Variants in TSNARE1 observed in about 807,000 individuals in gnomAD.
TSNARE1 encodes t-SNARE domain-containing protein 1.
A neutral mutation model predicts 62.0 loss-of-function variants in TSNARE1; 49 were observed. That is an observed-to-expected ratio of 0.79 (90% CI 0.63 to 1.00). The LOEUF (loss-of-function observed/expected upper bound fraction) is 1.00. Ranked by LOEUF, TSNARE1 falls within the 50% of genes least tolerant of loss-of-function variation. The pLI, the probability that TSNARE1 is intolerant of heterozygous loss-of-function variation, is 0.00. For missense variants in TSNARE1, 755 were observed against 700.1 expected, an observed-to-expected ratio of 1.08 and a Z score of -0.88; for synonymous variants, 328 against 294.4, an observed-to-expected ratio of 1.11 and a Z score of -1.17.
At chr8:142,365,282 T>C (rs1222093818) in intron 1 of TSNARE1, among the ~76,000 whole-genome samples, 1 of 152,184 alleles carries the variant, frequency 6.6e-6, no homozygotes, top group East Asian at 1.9e-4. Context: ...AAAATGTCAA[T>C]GTTATCAAAG....
rs374774039 is a variant in TSNARE1 at position 142,319,088 on chromosome 8, T to A, written c.894-454A>T. ...CGGCGCAGGTAAGCTCTGGCTGGGG[T>A]GGGTGGCCCAGCCAGAACAGTGGCA... On this transcript the variant is annotated intron_variant, in intron 6 of 13. Coordinates refer to ENST00000524325, the MANE Select transcript of TSNARE1 (RefSeq NM_145003.5). The surrounding 1 kb of genome is among the most constrained non-coding windows in gnomAD (Gnocchi z 4.9). Among the ~76,000 whole-genome samples, 2 of 151,346 alleles carry A rather than the reference T, an allele frequency of 1.3e-5. No individual in the cohort carries two copies. Among genetic ancestry groups the A allele is most frequent in the Admixed American group, 6.6e-5 (1 of 15,216 alleles).
In TSNARE1 at chr8:142,274,813, G is replaced by A. The variant is rs762992416; in HGVS notation, c.1414C>T (p.Arg472Cys). 42 of 1,580,596 alleles carry A rather than the reference G, an allele frequency of 2.7e-5. No homozygotes were observed. Among genetic ancestry groups the A allele is most frequent in the Middle Eastern group, 1.7e-4 (1 of 5,976 alleles). Residue 472 changes from arginine to cysteine, a missense_variant, in exon 12 of 14, where the codon CGC becomes TGC. Arg to Cys is a radical substitution (Grantham distance 180). Coordinates refer to ENST00000524325, the MANE Select transcript of TSNARE1 (RefSeq NM_145003.5). ...CGGCTGGCTCCAGCCAGGAGCTGGC[G>A]GGCTGCCTCCGCATGCGAGGACGCA... is the stretch of plus-strand genomic sequence containing the variant. ...EAASSHAEAA[R>C]QLLAGASRHQ...
chr8:142,340,615 AAGAAAAT>A (rs1303614679), intron 4 of TSNARE1, among the ~76,000 whole-genome samples: 8 of 149,018 alleles, frequency 5.4e-5, no homozygotes, highest in African/African-American at 2.0e-4. Flanking sequence ...TCAATAAAGA[AAGAAAAT>A]AATAAGGCTG....
At chr8:142,366,642 TAAAG>T (rs1398388108) in intron 1 of TSNARE1, among the ~76,000 whole-genome samples, 1 of 152,122 alleles carries the variant, frequency 6.6e-6, no homozygotes, top group Non-Finnish European at 1.5e-5. Context: ...AATGATAAAA[TAAAG>T]AACCTTTCAT....
chr8:142,230,533 T>A (rs963423339), intron 12 of TSNARE1, among the ~76,000 whole-genome samples: 3 of 152,030 alleles, frequency 2.0e-5, no homozygotes, highest in African/African-American at 7.3e-5. Context: ...GAGACAAGGA[T>A]GCCAGACAGG....
chr8:142,370,443 AATG>A (rs1835842806), intron 1 of TSNARE1, among the ~76,000 whole-genome samples: 1 of 152,148 alleles, frequency 6.6e-6, no homozygotes. Flanking sequence ...CGTTGGGCAC[AATG>A]ATATGTGCCC....
rs138583888 is a variant in TSNARE1, at chr8:142,233,304, G to T, written c.1447-3725C>A. Among the ~76,000 whole-genome samples, 120 of 152,298 alleles carry T rather than the reference G, an allele frequency of 7.9e-4. 1 individual carries two copies. The highest frequency in any genetic ancestry group is 2.8e-3 in the African/African-American group (115 of 41,562). On this transcript the variant is annotated intron_variant, in intron 12 of 13. Transcript: ENST00000524325. Reference sequence around the variant, plus strand: ...CTCAGGCCCCTTTTACAGATGGGAGGGCCTAGGACCCAAGCGGGGTTTTTG... The same window carrying T: ...CTCAGGCCCCTTTTACAGATGGGAGTGCCTAGGACCCAAGCGGGGTTTTTG...
intron 12 of TSNARE1, chr8:142,271,107 TC>T (rs1819488413): frequency 2.4e-5 from 24 of 985,884 alleles, no homozygotes; most frequent in Non-Finnish European, 2.8e-5. Context: ...TCCTCCACCT[TC>T]AAGATCATCC....
chr8:142,227,359 C>CAA (rs1816878683), intron 13 of TSNARE1, among the ~76,000 whole-genome samples: 2 of 99,916 alleles, frequency 2.0e-5, no homozygotes, highest in African/African-American at 1.4e-4. Context: ...GCCCATAGCC[C>CAA]CAGTGACAGC....
rs4406547 is a variant in TSNARE1, at chr8:142,254,636, G to A, written c.1446+20145C>T. 6.2e-4 allele frequency among the ~76,000 whole-genome samples: 94 copies of A among 152,314 alleles called. 1 individual carries two copies. Among genetic ancestry groups the A allele is most frequent in the African/African-American group, 2.2e-3 (90 of 41,568 alleles). On this transcript the variant is annotated intron_variant, in intron 12 of 13. Coordinates refer to ENST00000524325, the MANE Select transcript of TSNARE1 (RefSeq NM_145003.5). ...CGCTTCCTCCCCCACCATGCTGGCT[G>A]TGGGAGAGGTGTTCCGGCATATGGG...
intron 12 of TSNARE1, chr8:142,272,747 G>C (rs1426721891): frequency 2.1e-6 from 2 of 971,142 alleles, no homozygotes; most frequent in African/African-American, 3.7e-5. Context: ...TTGCAGGTAG[G>C]AGCAGGACAT....
chr8:142,316,579 C>T (rs1442235070), intron 7 of TSNARE1, among the ~76,000 whole-genome samples: 2 of 151,736 alleles, frequency 1.3e-5, no homozygotes, highest in East Asian at 3.9e-4. Context: ...AGTTGTACAG[C>T]CATCCCCACA....
chr8:142,366,656 T>C (rs1363128267), intron 1 of TSNARE1, among the ~76,000 whole-genome samples: 1 of 152,182 alleles, frequency 6.6e-6, no homozygotes, highest in African/African-American at 2.4e-5. Context: ...GAACCTTTCA[T>C]CCTAAACGAG....
chr8:142,385,742 T>C (rs989472432), intron 1 of TSNARE1, among the ~76,000 whole-genome samples: 9 of 152,174 alleles, frequency 5.9e-5, no homozygotes, highest in Non-Finnish European at 1.2e-4. Context: ...GAAAACAAAA[T>C]ACATTCATTT....
intron 1 of TSNARE1, among the ~76,000 whole-genome samples, chr8:142,375,426 G>A (rs960018059): frequency 6.6e-6 from 1 of 152,236 alleles, no homozygotes; most frequent in African/African-American, 2.4e-5. Context: ...GCAGGGAAAG[G>A]AAGCTGGGCT....
chr8:142,356,381 G>C (rs1834736563), intron 1 of TSNARE1, among the ~76,000 whole-genome samples: 1 of 152,214 alleles, frequency 6.6e-6, no homozygotes, highest in South Asian at 2.1e-4. Context: ...ATGGGGAGGT[G>C]GGCAGGAAGT....
At position 142,394,243 on chromosome 8, in the gene TSNARE1, C is replaced by T. The variant is rs139538945; in HGVS notation, c.-40+8861G>A. ...CTTTGGGGGCAGATACGCAGAAAGA[C>T]GGGAGGTGCTCTGCCCATCGGACCA... On this transcript the variant is annotated intron_variant, in intron 1 of 13. Coordinates refer to ENST00000524325, the MANE Select transcript of TSNARE1 (RefSeq NM_145003.5). 9.8e-5 allele frequency among the ~76,000 whole-genome samples: 15 copies of T among 152,338 alleles called. No individual in the cohort carries two copies. The East Asian group carries it at 1.3e-3, about 14-fold the overall frequency.
intron 1 of TSNARE1, among the ~76,000 whole-genome samples, chr8:142,395,046 C>T (rs1044767746): frequency 6.6e-6 from 1 of 152,222 alleles, no homozygotes; most frequent in South Asian, 2.1e-4. Context: ...GGAAGCATCG[C>T]TGTTCCTGTC....
chr8:142,251,345 A>C, intron 12 of TSNARE1, among the ~76,000 whole-genome samples: 1 of 120,934 alleles, frequency 8.3e-6, no homozygotes, highest in Admixed American at 9.3e-5. Flanking sequence ...CCCCCCACAA[A>C]AGCCACAATC....
Sources: gnomAD v4.1 joint callset for allele counts (sites outside exome capture counted in the v4.1 genomes callset) on GRCh38, gnomAD v4.1.1 for gene constraint, Gnocchi (gnomAD v3.1) non-coding constraint, MANE v1.5 for transcripts, NCBI Gene and HGNC (gene_info 2026-07-23, HGNC 2026-07-21) for gene names.